Variants in TUBB8B observed in about 807,000 individuals in gnomAD.
TUBB8B encodes tubulin beta 8B.
TUBB8B carries 26 observed loss-of-function variants against 31.9 expected under a neutral mutation model. The observed-to-expected ratio is 0.81, with a 90% CI of 0.60 to 1.13. TUBB8B has a LOEUF of 1.13. Ranked by LOEUF, TUBB8B falls within the 50% of genes most tolerant of loss-of-function variation. TUBB8B has a pLI of 0.00. For synonymous variants in TUBB8B, 173 were observed against 231.0 expected (o/e 0.75, Z 2.28); for missense variants, 467 against 586.7 (o/e 0.80, Z 2.11).
rs1421716913 is a variant in TUBB8B, at chr18:48,585, C to T, written c.278-138G>A. The T allele has an allele frequency of 6.7e-6, 5 of 742,910 alleles. No individual in the cohort carries two copies. In the Admixed American group the frequency reaches 1.0e-4, roughly 15 times the overall value. 46.0% of individuals were successfully genotyped at this position (742,910 alleles called of 1,614,324 possible). A position where few individuals can be genotyped will look rare whatever the true frequency, so the allele number is the denominator to read the frequency against. ...CTGCAGGTGGAGCAAATGAAACTCCCTCCTCCAGAGTTACAGGACAGCAGC... is the reference window on the plus strand; with the variant it reads ...CTGCAGGTGGAGCAAATGAAACTCCTTCCTCCAGAGTTACAGGACAGCAGC... On this transcript the variant is annotated intron_variant, in intron 3 of 3. Transcript: ENST00000308911.
chr18:47,616 T>C lies in TUBB8B; in HGVS notation c.1109A>G (p.Asn370Ser), dbSNP rs1283483500. ...GAAGAGTTCCTGGATGGCCGCATTA[T>C]TCCCAATGAAGGTGGCTGACATTTT... ...GLKMSATFIG[N>S]NAAIQELFTC... The change falls in exon 4 of 4, where the codon AAT becomes AGT. Residue 370 changes from asparagine to serine, a missense_variant. Asn to Ser is a conservative substitution (Grantham distance 46, BLOSUM62 1). This residue lies in a region of TUBB8B where 208 missense variants were observed against 206.7 expected (regional missense o/e 1.01). Transcript: ENST00000308911. 6.2e-7 allele frequency: 1 copy of C among 1,612,522 alleles called. No individual in the cohort carries two copies. The highest frequency in any genetic ancestry group is 8.5e-7 in the Non-Finnish European group (1 of 1,179,284).
upstream of TUBB8B, among the ~76,000 whole-genome samples, chr18:53,851 G>C (rs1484354830): frequency 6.6e-6 from 1 of 151,876 alleles, no homozygotes; most frequent in African/African-American, 2.4e-5. Context: ...GCCTAAAGTA[G>C]GAGAAGACTG....
chr18:72,952 C>T, the TUBB8B span, among the ~76,000 whole-genome samples: 7 of 152,038 alleles, frequency 4.6e-5, no homozygotes, highest in African/African-American at 1.7e-4. Context: ...GGGAAACGAG[C>T]GAAAGTCCGT....
upstream of TUBB8B, among the ~76,000 whole-genome samples, chr18:52,741 G>A (rs1906160708): frequency 1.0e-5 from 1 of 99,894 alleles, no homozygotes; most frequent in Non-Finnish European, 2.3e-5. Context: ...ATCTTGTGCA[G>A]GAAAAAATTT....
chr18:67,872 G>T, the TUBB8B span, among the ~76,000 whole-genome samples: 2 of 151,078 alleles, frequency 1.3e-5, no homozygotes, highest in African/African-American at 4.8e-5. Context: ...CACCTGTAAG[G>T]CTGATATGAC....
chr18:63,555 T>C, the TUBB8B span, among the ~76,000 whole-genome samples: 2 of 151,618 alleles, frequency 1.3e-5, no homozygotes, highest in African/African-American at 4.8e-5. Context: ...GGCATAGAAC[T>C]TGGTCTCACC....
the TUBB8B span, among the ~76,000 whole-genome samples, chr18:60,772 G>C: frequency 6.6e-6 from 1 of 151,572 alleles, no homozygotes; most frequent in Admixed American, 6.6e-5. Context: ...TATAGTTTCT[G>C]AAATTCATTT....
At chr18:64,184 T>C in the TUBB8B span, among the ~76,000 whole-genome samples, 2 of 152,000 alleles carry the variant, frequency 1.3e-5, no homozygotes, top group East Asian at 1.9e-4. Flanking sequence ...TAAATCAAAC[T>C]CTAAGCAAAC....
At chr18:63,714 A>T in the TUBB8B span, among the ~76,000 whole-genome samples, 6 of 137,520 alleles carry the variant, frequency 4.4e-5, no homozygotes, top group African/African-American at 1.4e-4. Flanking sequence ...TAACCCTAAC[A>T]CTAACCCTAA....
chr18:73,224 T>A, the TUBB8B span: 1 of 155,184 alleles, frequency 6.4e-6, no homozygotes. Flanking sequence ...TTGCACAAAG[T>A]GAAGCCCAGG....
the TUBB8B span, among the ~76,000 whole-genome samples, chr18:57,821 GAAGTA>G: frequency 6.6e-6 from 1 of 151,914 alleles, no homozygotes; most frequent in Non-Finnish European, 1.5e-5. Flanking sequence ...TACATTATTT[GAAGTA>G]AAGGTGGAGG....
chr18:63,422 CT>C, the TUBB8B span, among the ~76,000 whole-genome samples: 2 of 151,638 alleles, frequency 1.3e-5, no homozygotes, highest in African/African-American at 4.8e-5. Flanking sequence ...GTTCTCTTCC[CT>C]TTCTTTCTCT....
At chr18:49,990 G>C (rs1906009828), upstream of TUBB8B, 3 of 439,168 alleles carry the variant, frequency 6.8e-6, no homozygotes, top group South Asian at 4.8e-5. Context: ...GAGATCTGTG[G>C]TTAGGAAAGG....
the TUBB8B span, among the ~76,000 whole-genome samples, chr18:70,448 C>T: frequency 6.6e-6 from 1 of 152,022 alleles, no homozygotes; most frequent in Admixed American, 6.5e-5. Context: ...GCCTTGCCAA[C>T]ATGGTGAAAC....
the TUBB8B span, among the ~76,000 whole-genome samples, chr18:57,139 C>A: frequency 2.0e-5 from 3 of 151,894 alleles, no homozygotes; most frequent in Admixed American, 6.6e-5. Context: ...TGCCCCTGGC[C>A]ATTCCAAATC....
upstream of TUBB8B, chr18:49,782 G>C (rs1157585375): frequency 4.6e-6 from 3 of 657,984 alleles, no homozygotes; most frequent in African/African-American, 5.4e-5. Context: ...CCTTGCTATG[G>C]TCCCTTCCAC....
the TUBB8B span, among the ~76,000 whole-genome samples, chr18:57,917 C>A: frequency 2.0e-5 from 3 of 151,530 alleles, no homozygotes; most frequent in African/African-American, 7.2e-5. Context: ...TGGCTTGCAC[C>A]CTCTGAAGCA....
At chr18:49,318 C>T in intron 1 of TUBB8B, 81 bp from the exon 2 acceptor site, 1 of 1,280,848 alleles carries the variant, frequency 7.8e-7, no homozygotes, top group Non-Finnish European at 1.1e-6. Flanking sequence ...CCACCCGCAC[C>T]CCCATCCCTA....
chr18:67,900 G>A, the TUBB8B span, among the ~76,000 whole-genome samples: 33 of 152,114 alleles, frequency 2.2e-4, 1 homozygote, highest in Non-Finnish European at 3.4e-4. Flanking sequence ...AGACTGATGG[G>A]ACACCTGCAA....
Sources: allele counts gnomAD v4.1 joint callset (sites outside exome capture counted in the v4.1 genomes callset), GRCh38; gene constraint gnomAD v4.1.1; regional missense constraint gnomAD v4.1.1; transcripts MANE v1.5; gene names NCBI Gene and HGNC (gene_info 2026-07-23, HGNC 2026-07-21).